CARS2: variants seen among roughly 807,000 people sequenced by gnomAD.
CARS2 encodes the protein cysteinyl-tRNA synthetase 2, mitochondrial, also known as probable cysteine--tRNA ligase, mitochondrial.
A neutral mutation model predicts 68.8 loss-of-function variants in CARS2; 52 were observed. The ratio of observed to expected loss-of-function variants is 0.76; its 90% CI spans 0.61 to 0.95. The LOEUF (loss-of-function observed/expected upper bound fraction) is 0.95. Among genes scored for constraint, CARS2 ranks in the 40% least tolerant of loss-of-function variants. The pLI is 0.00. For synonymous variants in CARS2, 314 were observed against 303.6 expected, an observed-to-expected ratio of 1.03 and a Z score of -0.36; for missense variants, 780 against 754.2, an observed-to-expected ratio of 1.03 and a Z score of -0.40.
chr13:110,643,172 T>C (rs766513548), intron 13 of CARS2: 4 of 209,158 alleles, frequency 1.9e-5, no homozygotes, highest in African/African-American at 7.0e-5. Context: ...TACAGAAATA[T>C]GAGCCCAGAG....
intron 9 of CARS2, among the ~76,000 whole-genome samples, chr13:110,656,933 C>G (rs1416723166): frequency 6.6e-6 from 1 of 151,132 alleles, no homozygotes; most frequent in African/African-American, 2.4e-5. Flanking sequence ...TTCACAACTG[C>G]GAATATCTTA....
At position 110,692,067 on chromosome 13, in the gene CARS2, T is replaced by TAC. The variant is rs1555300041; in HGVS notation, c.394-4051_394-4050dup. ...ATATATACACATATACATATATATATACACACATACATATATATACACACA... is the reference window on the plus strand; with the variant it reads ...ATATATACACATATACATATATATATACACACACATACATATATATACACACA... On this transcript the variant is annotated intron_variant, in intron 3 of 14. Coordinates refer to ENST00000257347, the MANE Select transcript of CARS2 (RefSeq NM_024537.4). Among the ~76,000 whole-genome samples the TAC allele has an allele frequency of 4.8e-5, 7 of 144,626 alleles. No homozygotes were observed. In the East Asian group the frequency reaches 7.9e-4, roughly 16 times the overall value. The allele number at this position is 144,626 out of a possible 152,430, so 94.9% of individuals were successfully genotyped here. A position where few individuals can be genotyped will look rare whatever the true frequency, so the allele number is the denominator to read the frequency against.
Position 110,671,000 on chromosome 13 carries a change from G to A in CARS2, c.786-3527C>T, listed in dbSNP as rs1047274864. The stretch of plus-strand genomic sequence containing the variant: ...TCAAATGAATGAAATGAAGCAGGAA[G>A]AGAAGTTTAGAGAAAAAAGAGTAAA... On this transcript the variant is annotated intron_variant, in intron 7 of 14. Coordinates refer to ENST00000257347, the MANE Select transcript of CARS2 (RefSeq NM_024537.4). The surrounding 1 kb of genome is among the most constrained non-coding windows in gnomAD (Gnocchi z 4.1). Among the ~76,000 whole-genome samples, 1 of 152,198 alleles carries A rather than the reference G, an allele frequency of 6.6e-6. No homozygotes were observed. Among genetic ancestry groups the A allele is most frequent in the African/African-American group, 2.4e-5 (1 of 41,450 alleles).
intron 9 of CARS2, among the ~76,000 whole-genome samples, chr13:110,661,075 T>G (rs422087): frequency 0.28 from 43,021 of 152,092 alleles, 6,785 homozygotes; most frequent in African/African-American, 0.39. Flanking sequence ...AGGGTAATTC[T>G]CAAGGGCCCT....
chr13:110,699,231 A>G (rs920860970), intron 3 of CARS2, among the ~76,000 whole-genome samples: 3 of 152,238 alleles, frequency 2.0e-5, no homozygotes, highest in African/African-American at 4.8e-5. Context: ...GTTCTGTTAC[A>G]GCAGCACAAA....
upstream of CARS2, among the ~76,000 whole-genome samples, chr13:110,709,390 G>A (rs182304311): frequency 7.4e-4 from 113 of 152,114 alleles, no homozygotes; most frequent in Middle Eastern, 3.4e-3. Flanking sequence ...CACCGTGCCC[G>A]GCAGCTAATT....
chr13:110,664,569 C>CA (rs1194261654), intron 8 of CARS2: 2 of 958,578 alleles, frequency 2.1e-6, no homozygotes, highest in Non-Finnish European at 2.5e-6. Context: ...ATGTGATTTC[C>CA]AAAAAACATA....
At position 110,651,018 on chromosome 13, in the gene CARS2, C is replaced by T. The variant is rs772521220; in HGVS notation, c.1054+16G>A. The T allele has an allele frequency of 2.3e-5, 37 of 1,602,228 alleles. No homozygotes were observed. The highest frequency in any genetic ancestry group is 6.7e-5 in the East Asian group (3 of 44,830). ...CGAGCTGGGGGGGGAGTCCACTCCA[C>T]GTGTGCTCGGCTCACCTGAGCGGTA... On this transcript the variant is annotated intron_variant, in intron 10 of 14. Transcript: ENST00000257347.
rs372410471 is a variant in CARS2 at position 110,642,414 on chromosome 13, C to T, written c.1524G>A (p.Thr508=). ...GGAGCTGCTGCCGCCGGGCGTCCCC[C>T]GTGGCCTCGGGCATGGCCAGCGCAA... is the stretch of plus-strand genomic sequence containing the variant. ...RQFALAMPEA[T]GDARRQQLLE... The change falls in exon 14 of 15, where the codon ACG becomes ACA. Residue 508 remains threonine, a synonymous_variant. Coordinates refer to ENST00000257347, the MANE Select transcript of CARS2 (RefSeq NM_024537.4). 1.1e-4 allele frequency: 172 copies of T among 1,592,952 alleles called. No individual in the cohort carries two copies. The highest frequency in any genetic ancestry group is 1.9e-4 in the South Asian group (17 of 88,154).
intron 2 of CARS2, 114 bp from the exon 3 acceptor site, chr13:110,701,669 T>C (rs1259695430): frequency 4.5e-6 from 3 of 664,404 alleles, no homozygotes; most frequent in Middle Eastern, 4.1e-4. Flanking sequence ...TGTAGCACAA[T>C]GGACAGGTCA....
intron 3 of CARS2, among the ~76,000 whole-genome samples, chr13:110,688,243 G>C (rs1172812456): frequency 6.6e-6 from 1 of 151,198 alleles, no homozygotes; most frequent in Admixed American, 6.6e-5. Flanking sequence ...TATTGACCTT[G>C]TCTTCTGGTT....
Position 110,712,870 on chromosome 13 carries a change from C to T in CARS2, n.399+267G>A, listed in dbSNP as rs778405241. 1.1e-5 allele frequency: 14 copies of T among 1,314,452 alleles called. No homozygotes were observed. The East Asian group carries it at 2.3e-4, about 21-fold the overall frequency. 81.4% of individuals were successfully genotyped at this position (1,314,452 alleles called of 1,614,324 possible). A position where few individuals can be genotyped will look rare whatever the true frequency, so the allele number is the denominator to read the frequency against. On this transcript the variant is annotated intron_variant and non_coding_transcript_variant, in intron 1 of 2. Coordinates refer to the CARS2 transcript ENST00000485188. ...CTCTCAGGCCCCTTTGTCTCCAAGCCGTTCCAAACTGAGTACCGGGAGACG... is the reference window on the plus strand; with the variant it reads ...CTCTCAGGCCCCTTTGTCTCCAAGCTGTTCCAAACTGAGTACCGGGAGACG...
rs1566657920 is a variant in CARS2, at chr13:110,653,185, AGGGGGGC to A, written c.988-2092_988-2086del. ...GCTGCCACAGGGGCCTGGGGTGGGG[AGGGGGGC>A]TGGGGTATGTGTGTGTGTGTGTTTG... On this transcript the variant is annotated intron_variant, in intron 9 of 14. Transcript: ENST00000257347. This position sits in a 1 kb window ranked among gnomAD's most constrained non-coding sequence, Gnocchi z 5.6. Among the ~76,000 whole-genome samples, 2 of 147,362 alleles carry A rather than the reference AGGGGGGC, an allele frequency of 1.4e-5. No homozygotes were observed. Among genetic ancestry groups the A allele is most frequent in the African/African-American group, 5.1e-5 (2 of 39,472 alleles).
chr13:110,685,547 T>G (rs75019934), intron 5 of CARS2, among the ~76,000 whole-genome samples: 3,764 of 152,340 alleles, frequency 0.025, 78 homozygotes, highest in Non-Finnish European at 0.039. Context: ...CTGGATACTT[T>G]AAGGCGTCAT....
chr13:110,647,181 G>A lies in CARS2; in HGVS notation c.1113C>T (p.Gly371=). ...LQAQQLLLGL[G]SFLEDARAYM... is the part of the protein sequence containing the mutation. ...AGGCACGTGCGTCCTCCAGGAAAGAGCCCAGCCCCAGGAGCAGCTGCTGAG... is the reference window on the plus strand; with the variant it reads ...AGGCACGTGCGTCCTCCAGGAAAGAACCCAGCCCCAGGAGCAGCTGCTGAG... Residue 371 remains glycine, a synonymous_variant, in exon 11 of 15, where the codon GGC becomes GGT. Transcript: ENST00000257347. The A allele has an allele frequency of 6.2e-7, 1 of 1,613,122 alleles. No homozygotes were observed. Among genetic ancestry groups the A allele is most frequent in the Non-Finnish European group, 8.5e-7 (1 of 1,179,874 alleles).
At position 110,705,958 on chromosome 13, in the gene CARS2, T is replaced by C. The variant is rs771202761; in HGVS notation, c.136A>G (p.Thr46Ala). 86 of 1,547,512 alleles carry C rather than the reference T, an allele frequency of 5.6e-5. No homozygotes were observed. Among genetic ancestry groups the C allele is most frequent in the African/African-American group, 1.4e-5 (1 of 72,334 alleles). ...ACCTGCACACCCGTCTCCCGGCCCG[T>C]GGGCTGCAGCCAGGCCCGCCCGCGC... The part of the protein sequence containing the change: ...GGRGRAWLQP[T>A]GRETGVQVYN... Residue 46 changes from threonine (T) to alanine (A), a missense_variant, in exon 1 of 15, where the codon ACG (threonine) becomes GCG (alanine). Thr to Ala is a moderately conservative substitution (Grantham distance 58). Transcript: ENST00000257347. This position sits in a 1 kb window ranked among gnomAD's most constrained non-coding sequence, Gnocchi z 4.0.
At position 110,663,432 on chromosome 13, in the gene CARS2, A is replaced by T. The variant is rs200141049; in HGVS notation, c.987+19T>A. Reference sequence around the variant, plus strand: ...CAAGCTATCGGCACCTCAGAGATACAATACAAAAAGCACGTTACCTTAATA... The same window carrying T: ...CAAGCTATCGGCACCTCAGAGATACTATACAAAAAGCACGTTACCTTAATA... On this transcript the variant is annotated intron_variant, in intron 9 of 14. Transcript: ENST00000257347. 1 of 1,608,952 alleles carries T rather than the reference A, an allele frequency of 6.2e-7. No homozygotes were observed. Among genetic ancestry groups the T allele is most frequent in the Non-Finnish European group, 8.5e-7 (1 of 1,177,948 alleles).
chr13:110,674,148 T>C (rs140439558), intron 7 of CARS2, among the ~76,000 whole-genome samples: 37 of 152,188 alleles, frequency 2.4e-4, no homozygotes, highest in Non-Finnish European at 5.0e-4. Context: ...AGGTAACTTA[T>C]AGATTCAATG....
At chr13:110,648,182 C>T (rs1156245154) in intron 10 of CARS2, 1 of 152,206 alleles carries the variant, frequency 6.6e-6, no homozygotes, top group Non-Finnish European at 1.5e-5. Context: ...TCTAAATTCA[C>T]TTTCAGTTTT....
Sources: gnomAD v4.1 joint callset for allele counts (sites outside exome capture counted in the v4.1 genomes callset) on GRCh38, gnomAD v4.1.1 for gene constraint, Gnocchi (gnomAD v3.1) non-coding constraint, MANE v1.5 for transcripts, NCBI Gene and HGNC (gene_info 2026-07-23, HGNC 2026-07-21) for gene names.